ATP2B4: variants seen among roughly 807,000 people sequenced by gnomAD.
ATP2B4 encodes plasma membrane calcium-transporting ATPase 4.
ATP2B4 carries 39 observed loss-of-function variants against 110.3 expected under a neutral mutation model. The ratio of observed to expected loss-of-function variants is 0.35; its 90% confidence interval spans 0.27 to 0.46. ATP2B4 has a LOEUF of 0.46. Ranked by LOEUF, ATP2B4 falls within the 20% of genes least tolerant of loss-of-function variation. The pLI, the probability that ATP2B4 is intolerant of heterozygous loss-of-function variation, is 1.00. For missense variants in ATP2B4, 1,135 were observed against 1,530.9 expected (o/e 0.74, Z 4.32); for synonymous variants, 538 against 571.7 (o/e 0.94, Z 0.84).
At chr1:203,718,960 C>G (rs1426731472) in intron 15 of ATP2B4, among the ~76,000 whole-genome samples, 2 of 152,136 alleles carry the variant, frequency 1.3e-5, no homozygotes, top group South Asian at 2.1e-4. Flanking sequence ...GTGGCTCACA[C>G]CCGTAATCAA....
Position 203,698,171 on chromosome 1 carries a change from C to A in ATP2B4, c.208C>A (p.Pro70Thr). The change falls in exon 3 of 21, where the codon CCT (proline) becomes ACT (threonine). Residue 70 changes from proline (P) to threonine (T), a missense_variant. Pro to Thr is a conservative substitution (Grantham distance 38). Around this residue, in one of 9 missense-constraint regions of ATP2B4, gnomAD observed 122 missense variants for 125.2 expected, o/e 0.97. Transcript: ENST00000357681. ...CTCCTTTTCAGGTCTGTCTGGGAACCCTGCAGATCTGGAGAAACGTAGGCA... is the reference window on the plus strand; with the variant it reads ...CTCCTTTTCAGGTCTGTCTGGGAACACTGCAGATCTGGAGAAACGTAGGCA... ...TSPVEGLSGN[P>T]ADLEKRRQVF... 6.2e-7 allele frequency: 1 copy of A among 1,614,100 alleles called. No individual in the cohort carries two copies. The highest frequency in any genetic ancestry group is 8.5e-7 in the Non-Finnish European group (1 of 1,180,018).
chr1:203,683,826 A>G (rs2102362866), intron 2 of ATP2B4, among the ~76,000 whole-genome samples: 1 of 151,818 alleles, frequency 6.6e-6, no homozygotes, highest in African/African-American at 2.4e-5. Context: ...GGTGTGTGCC[A>G]TCACACCCAG....
At chr1:203,728,575 C>T (rs1015763562) in intron 20 of ATP2B4, among the ~76,000 whole-genome samples, 4 of 152,138 alleles carry the variant, frequency 2.6e-5, no homozygotes, top group East Asian at 1.9e-4. Context: ...GTTCCCCAGT[C>T]GGCCAGGCAT....
intron 2 of ATP2B4, among the ~76,000 whole-genome samples, chr1:203,688,806 G>C (rs1195909619): frequency 6.6e-6 from 1 of 152,058 alleles, no homozygotes; most frequent in Non-Finnish European, 1.5e-5. Flanking sequence ...AAGAAAGGGT[G>C]GGGGAGACAT....
intron 1 of ATP2B4, among the ~76,000 whole-genome samples, chr1:203,676,802 C>T (rs1664841532): frequency 7.4e-6 from 1 of 134,682 alleles, no homozygotes; most frequent in Non-Finnish European, 1.6e-5. Flanking sequence ...TGCTTTCTGG[C>T]TTGGGGTGGG....
chr1:203,644,455 C>G (rs1663731157), intron 1 of ATP2B4, among the ~76,000 whole-genome samples: 1 of 152,080 alleles, frequency 6.6e-6, no homozygotes, highest in Non-Finnish European at 1.5e-5. Context: ...GAAGTGAGTT[C>G]CAGACTGGAA....
chr1:203,712,965 G>A (rs1187521290), intron 13 of ATP2B4, among the ~76,000 whole-genome samples, 200 bp from the exon 14 acceptor site: 1 of 152,174 alleles, frequency 6.6e-6, no homozygotes, highest in Non-Finnish European at 1.5e-5. Flanking sequence ...AAAAAAAGCA[G>A]GGCCTGAATG....
chr1:203,673,653 G>A (rs1664740691), intron 1 of ATP2B4, among the ~76,000 whole-genome samples: 1 of 152,350 alleles, frequency 6.6e-6, no homozygotes, highest in East Asian at 1.9e-4. Context: ...GGAGCAGCCA[G>A]GCCTGATGAC....
chr1:203,674,993 G>C (rs1664788054), intron 1 of ATP2B4, among the ~76,000 whole-genome samples: 1 of 152,206 alleles, frequency 6.6e-6, no homozygotes, highest in African/African-American at 2.4e-5. Flanking sequence ...ACAGGCATGA[G>C]CCACTGCGCC....
intron 1 of ATP2B4, among the ~76,000 whole-genome samples, chr1:203,678,392 C>CTT (rs35598967): frequency 0.4 from 39,511 of 99,936 alleles, 8,873 homozygotes; most frequent in Middle Eastern, 0.48. Flanking sequence ...TTTCTAGAGG[C>CTT]TTTTTTTTTT....
Position 203,743,009 on chromosome 1 carries a change from C to CTGT in ATP2B4, c.*3156_*3158dup. 6.5e-6 allele frequency: 1 copy of CTGT among 152,798 alleles called. No individual in the cohort carries two copies. The highest frequency in any genetic ancestry group is 2.1e-4 in the South Asian group (1 of 4,824). The allele number at this position is 152,798 out of a possible 1,614,324, so 9.5% of individuals were successfully genotyped here. On this transcript the variant is annotated 3_prime_UTR_variant, in exon 21 of 21. Transcript: ENST00000357681. Reference sequence around the variant, plus strand: ...GGCTAGATCCTTCCCATAGTATCATCTGTCCTCTGGAATGACTCTCCTGTC... The same window carrying CTGT: ...GGCTAGATCCTTCCCATAGTATCATCTGTTGTCCTCTGGAATGACTCTCCTGTC...
In ATP2B4 at chr1:203,627,940, G is replaced by T. The variant is rs150032241; in HGVS notation, c.-465+721G>T. Among the ~76,000 whole-genome samples, 309 of 152,350 alleles carry T rather than the reference G, an allele frequency of 2.0e-3. 1 individual carries two copies. The highest frequency in any genetic ancestry group is 7.0e-3 in the African/African-American group (290 of 41,582). ...CTGGGAGTTACCTCGTACCGCTGTT[G>T]TTTGAGTGTGTGTGAGCGTCCAGAA... On this transcript the variant is annotated intron_variant, in intron 1 of 20. Transcript: ENST00000357681.
intron 2 of ATP2B4, among the ~76,000 whole-genome samples, chr1:203,691,938 G>A (rs1397976203): frequency 6.6e-6 from 1 of 151,892 alleles, no homozygotes; most frequent in Non-Finnish European, 1.5e-5. Flanking sequence ...CTGGAGTGCA[G>A]TGGCGCAATC....
intron 18 of ATP2B4, among the ~76,000 whole-genome samples, chr1:203,722,980 C>G (rs1666381566): frequency 6.6e-6 from 1 of 151,982 alleles, no homozygotes; most frequent in Non-Finnish European, 1.5e-5. Flanking sequence ...ACAGAATGAC[C>G]AAAAGAAGTA....
intron 1 of ATP2B4, among the ~76,000 whole-genome samples, chr1:203,678,740 CA>C (rs1298099569): frequency 1.3e-5 from 2 of 152,088 alleles, no homozygotes; most frequent in Non-Finnish European, 2.9e-5. Context: ...AGAAGCTTGC[CA>C]GAAAATGAGG....
At chr1:203,734,481 C>T (rs964833401) in intron 20 of ATP2B4, among the ~76,000 whole-genome samples, 1 of 151,864 alleles carries the variant, frequency 6.6e-6, no homozygotes, top group East Asian at 1.9e-4. Context: ...CCGAGGTGGG[C>T]GGATCACCTG....
chr1:203,660,248 A>G (rs184039931), intron 1 of ATP2B4, among the ~76,000 whole-genome samples: 2 of 152,290 alleles, frequency 1.3e-5, no homozygotes, highest in African/African-American at 4.8e-5. Flanking sequence ...AGCCAAGACC[A>G]TGAGTTTTTT....
rs150959254 is a variant in ATP2B4, at chr1:203,637,921, G to A, written c.-465+10702G>A. On this transcript the variant is annotated intron_variant, in intron 1 of 20. Transcript: ENST00000357681. Reference sequence around the variant, plus strand: ...TCTGTCTAGTGGGATACAAGAGCGGGAACACACACTTGAAATCTCATCTGG... The same window carrying A: ...TCTGTCTAGTGGGATACAAGAGCGGAAACACACACTTGAAATCTCATCTGG... Among the ~76,000 whole-genome samples the A allele has an allele frequency of 3.9e-4, 60 of 152,284 alleles. 2 individuals are homozygous for A. In the East Asian group the frequency reaches 7.3e-3, roughly 19 times the overall value.
chr1:203,718,254 A>G (rs571417725), intron 15 of ATP2B4, among the ~76,000 whole-genome samples: 1 of 151,132 alleles, frequency 6.6e-6, no homozygotes, highest in Non-Finnish European at 1.5e-5. Flanking sequence ...TTCCTGATTT[A>G]TAACTTTCTA....
Sources: allele counts gnomAD v4.1 joint callset (sites outside exome capture counted in the v4.1 genomes callset), GRCh38; gene constraint gnomAD v4.1.1; regional missense constraint gnomAD v4.1.1; transcripts MANE v1.5; gene names NCBI Gene and HGNC (gene_info 2026-07-23, HGNC 2026-07-21).